PDZD2: variants seen among roughly 807,000 people sequenced by gnomAD.
PDZD2 encodes the protein PDZ domain-containing protein 2.
A neutral mutation model predicts 220.7 loss-of-function variants in PDZD2; 90 were observed. The ratio of observed to expected loss-of-function variants is 0.41; its 90% confidence interval spans 0.34 to 0.49. PDZD2 has a LOEUF of 0.49. Ranked by LOEUF, PDZD2 falls within the 20% of genes least tolerant of loss-of-function variation. The pLI, the probability that PDZD2 is intolerant of heterozygous loss-of-function variation, is 0.28. For missense variants in PDZD2, 3,174 were observed against 3,608.5 expected (o/e 0.88, Z 3.08); for synonymous variants, 1,375 against 1,450.5 (o/e 0.95, Z 1.18).
rs780928271 is a variant in PDZD2, at chr5:32,089,734, T to G, written c.6286T>G (p.Ser2096Ala). Residue 2096 changes from serine (S) to alanine (A), a missense_variant, in exon 20 of 25, where the codon TCT (serine) becomes GCT (alanine). By Grantham distance (99) the Ser-to-Ala change is moderately conservative. Around this residue, in one of 4 missense-constraint regions of PDZD2, gnomAD observed 1,861 missense variants for 2,001.0 expected, o/e 0.93. Transcript: ENST00000438447. ...AAACCAGCTGAAAATCGTGGAGATT[T>G]CTGCTGAAGCAGTGTCAGAGACTGT... ...RTNQLKIVEI[S>A]AEAVSETVCG... 2 of 1,614,048 alleles carry G rather than the reference T, an allele frequency of 1.2e-6. No homozygotes were observed. Among genetic ancestry groups the G allele is most frequent in the African/African-American group, 1.3e-5 (1 of 74,928 alleles).
intron 2 of PDZD2, among the ~76,000 whole-genome samples, chr5:31,849,965 C>CAT (rs1175899478): frequency 3.2e-5 from 1 of 31,190 alleles, no homozygotes; most frequent in Non-Finnish European, 5.1e-5. Context: ...TATATATACA[C>CAT]ATATATATAT....
At chr5:31,857,593 G>A (rs1198886158) in intron 2 of PDZD2, among the ~76,000 whole-genome samples, 1 of 152,114 alleles carries the variant, frequency 6.6e-6, no homozygotes, top group African/African-American at 2.4e-5. Flanking sequence ...GATGTGTGGT[G>A]TCATTCTAAA....
At chr5:31,664,817 T>G (rs1745918877) in intron 1 of PDZD2, 1 of 152,188 alleles carries the variant, frequency 6.6e-6, no homozygotes, top group African/African-American at 2.4e-5. Flanking sequence ...CTCCATCTTG[T>G]GTCCCCACCA....
chr5:31,835,978 C>G (rs1230267396), intron 2 of PDZD2, among the ~76,000 whole-genome samples: 1 of 152,108 alleles, frequency 6.6e-6, no homozygotes, highest in Non-Finnish European at 1.5e-5. Context: ...AGTCATAAAC[C>G]CTTGTGGGTC....
intron 6 of PDZD2, among the ~76,000 whole-genome samples, chr5:32,019,964 T>C (rs1339949662): frequency 2.0e-5 from 3 of 152,082 alleles, no homozygotes; most frequent in African/African-American, 7.2e-5. Context: ...TCCTATTTGG[T>C]TAATTTCAGT....
intron 1 of PDZD2, among the ~76,000 whole-genome samples, chr5:31,720,461 C>G (rs1403144596): frequency 6.6e-6 from 1 of 152,168 alleles, no homozygotes; most frequent in East Asian, 1.9e-4. Flanking sequence ...TTCCCCTTTG[C>G]CTCTGAAGAT....
intron 2 of PDZD2, among the ~76,000 whole-genome samples, chr5:31,896,429 C>T (rs1037384920): frequency 1.3e-5 from 2 of 151,780 alleles, no homozygotes; most frequent in South Asian, 2.1e-4. Flanking sequence ...GTCTTGGGCT[C>T]ACCCACCTCA....
At chr5:31,841,400 C>A (rs1048971031) in intron 2 of PDZD2, among the ~76,000 whole-genome samples, 1 of 152,232 alleles carries the variant, frequency 6.6e-6, no homozygotes, top group African/African-American at 2.4e-5. Flanking sequence ...CTCAGCCAGG[C>A]ATGGTGGCTC....
chr5:31,860,219 G>A (rs901694495), intron 2 of PDZD2, among the ~76,000 whole-genome samples: 2 of 152,058 alleles, frequency 1.3e-5, no homozygotes, highest in African/African-American at 2.4e-5. Flanking sequence ...CAGAGTTGCC[G>A]AGACACAGCA....
chr5:31,955,257 G>A (rs2111645327), intron 2 of PDZD2, among the ~76,000 whole-genome samples: 1 of 152,046 alleles, frequency 6.6e-6, no homozygotes, highest in South Asian at 2.1e-4. Context: ...GGCAAGAAAA[G>A]AAGGATGTTG....
intron 1 of PDZD2, among the ~76,000 whole-genome samples, chr5:31,705,175 T>TACACACAC (rs755393785): frequency 2.4e-5 from 2 of 84,174 alleles, no homozygotes; most frequent in African/African-American, 6.3e-5. Flanking sequence ...AATACATGTA[T>TACACACAC]ACACACACAC....
intron 2 of PDZD2, among the ~76,000 whole-genome samples, chr5:31,941,514 G>T (rs577093577): frequency 6.6e-6 from 1 of 152,340 alleles, no homozygotes; most frequent in South Asian, 2.1e-4. Flanking sequence ...GATTTGTAAA[G>T]CTAAGTCCTT....
intron 1 of PDZD2, chr5:31,657,112 G>C (rs1745581829): frequency 1.3e-5 from 2 of 152,242 alleles, no homozygotes; most frequent in Non-Finnish European, 2.9e-5. Flanking sequence ...TCTGGTCGTA[G>C]ATGTACAAGA....
intron 1 of PDZD2, among the ~76,000 whole-genome samples, chr5:31,669,686 T>C (rs1174455584): frequency 6.6e-6 from 1 of 152,186 alleles, no homozygotes; most frequent in Non-Finnish European, 1.5e-5. Flanking sequence ...GGAAAAATTA[T>C]TAGGAGCATT....
intron 1 of PDZD2, among the ~76,000 whole-genome samples, chr5:31,736,020 T>C (rs954102722): frequency 2.0e-5 from 3 of 152,074 alleles, no homozygotes; most frequent in African/African-American, 7.2e-5. Context: ...GTTTTCAGAA[T>C]ACAGCTGTTA....
intron 6 of PDZD2, among the ~76,000 whole-genome samples, chr5:32,029,329 TAAAAAAAAAA>T (rs34025632): frequency 3.0e-5 from 2 of 65,834 alleles, no homozygotes; most frequent in Admixed American, 4.6e-4. Flanking sequence ...TCAAGAACTG[TAAAAAAAAAA>T]AAAAAAAAAA....
rs771135749 is a variant in PDZD2 at position 32,089,990 on chromosome 5, C to T, written c.6542C>T (p.Ala2181Val). Residue 2181 changes from alanine to valine, a missense_variant, in exon 20 of 25, where the codon GCA becomes GTA. This residue lies in a region of PDZD2 where 1,861 missense variants were observed against 2,001.0 expected (regional missense o/e 0.93). Coordinates refer to ENST00000438447, the MANE Select transcript of PDZD2 (RefSeq NM_178140.4). The stretch of plus-strand genomic sequence containing the variant: ...TCCCTTCAAACAGCCATTAGAAAGG[C>T]AGAATACTCCCAGGGAAAATCAAGC... ...SSSLQTAIRKAEYSQGKSSLM... is the reference protein window; with the variant it reads ...SSSLQTAIRKVEYSQGKSSLM... 1.9e-6 allele frequency: 3 copies of T among 1,602,766 alleles called. No homozygotes were observed. The highest frequency in any genetic ancestry group is 3.4e-5 in the Admixed American group (2 of 58,934).
At chr5:32,024,708 A>G (rs1459481904) in intron 6 of PDZD2, among the ~76,000 whole-genome samples, 1 of 149,822 alleles carries the variant, frequency 6.7e-6, no homozygotes, top group African/African-American at 2.4e-5. Context: ...GAAAAAAAAG[A>G]AAAGGAAAGA....
chr5:31,689,599 G>A (rs965991898), intron 1 of PDZD2, among the ~76,000 whole-genome samples: 1 of 151,822 alleles, frequency 6.6e-6, no homozygotes, highest in Non-Finnish European at 1.5e-5. Context: ...GTTAGATTTA[G>A]TCCCTAAAGT....
Sources: gnomAD v4.1 joint callset for allele counts (sites outside exome capture counted in the v4.1 genomes callset) on GRCh38, gnomAD v4.1.1 for gene constraint, gnomAD v4.1.1 regional missense constraint, MANE v1.5 for transcripts, NCBI Gene and HGNC (gene_info 2026-07-23, HGNC 2026-07-21) for gene names.